The following MAGI2 variants were observed in gnomAD, a reference collection of about 807,000 sequenced individuals.
MAGI2 encodes the protein membrane associated guanylate kinase, WW and PDZ domain containing 2, also known as membrane-associated guanylate kinase, WW and PDZ domain-containing protein 2.
MAGI2 carries 35 observed loss-of-function variants against 133.3 expected under a neutral mutation model. The observed-to-expected ratio is 0.26, with a 90% CI of 0.20 to 0.35. The LOEUF (loss-of-function observed/expected upper bound fraction) is 0.35, where lower values mean the gene tolerates loss of function less well. Among genes scored for constraint, MAGI2 ranks in the 10% least tolerant of loss-of-function variants. The probability of loss-of-function intolerance (pLI) is 1.00; values close to 1 mark genes in which losing one functional copy is unlikely to be tolerated. For missense variants in MAGI2, 1,636 were observed against 1,863.4 expected (o/e 0.88, Z 2.25); for synonymous variants, 729 against 710.6 (o/e 1.03, Z -0.41).
At chr7:78,616,487 T>G (rs1029672572) in intron 3 of MAGI2, 1 of 152,126 alleles carries the variant, frequency 6.6e-6, no homozygotes, top group African/African-American at 2.4e-5. Flanking sequence ...GTTGACCAAA[T>G]GTACTGTTTT....
chr7:78,028,726 G>A (rs921316570), intron 21 of MAGI2, among the ~76,000 whole-genome samples: 3 of 151,800 alleles, frequency 2.0e-5, no homozygotes, highest in Non-Finnish European at 4.4e-5. Context: ...ATGGTGGCAC[G>A]TGCCTGTAAT....
chr7:79,449,387 T>C (rs1274338862), intron 1 of MAGI2, among the ~76,000 whole-genome samples: 1 of 151,124 alleles, frequency 6.6e-6, no homozygotes, highest in Non-Finnish European at 1.5e-5. Context: ...TTTCCCATTG[T>C]GAGACCCTAA....
chr7:79,364,909 A>T (rs868578062), intron 1 of MAGI2, among the ~76,000 whole-genome samples: 19 of 125,290 alleles, frequency 1.5e-4, no homozygotes, highest in Admixed American at 9.1e-4. Context: ...CATCAAAATT[A>T]AAAAAAAAAT....
At chr7:79,168,648 G>A (rs926017323) in intron 1 of MAGI2, among the ~76,000 whole-genome samples, 4 of 151,582 alleles carry the variant, frequency 2.6e-5, no homozygotes, top group African/African-American at 9.7e-5. Flanking sequence ...AGTTGCCTTT[G>A]GAATGGCCCA....
intron 6 of MAGI2, among the ~76,000 whole-genome samples, chr7:78,479,350 A>G (rs531898199): frequency 6.6e-6 from 1 of 152,042 alleles, no homozygotes; most frequent in South Asian, 2.1e-4. Flanking sequence ...TGGGTGACCC[A>G]TCCTCTTCCC....
chr7:78,655,453 C>CCAAAAAAAAAAAAAAAAAAAAA (rs1812091384), intron 2 of MAGI2, among the ~76,000 whole-genome samples: 1 of 48,368 alleles, frequency 2.1e-5, no homozygotes, highest in Non-Finnish European at 4.4e-5. Context: ...AAAAAAACAA[C>CCAAAAAAAAAAAAAAAAAAAAA]CAAAAAAAAA....
chr7:79,028,243 A>ATATC (rs1810127468), intron 1 of MAGI2, among the ~76,000 whole-genome samples: 3 of 48,586 alleles, frequency 6.2e-5, no homozygotes, highest in African/African-American at 2.3e-4. Flanking sequence ...ATGTATATAT[A>ATATC]TATATATATA....
chr7:78,490,165 A>G (rs888775933), intron 5 of MAGI2: 4 of 358,378 alleles, frequency 1.1e-5, no homozygotes, highest in Non-Finnish European at 2.0e-5. Context: ...TTGGAAGAGC[A>G]CAGTCCACAG....
intron 2 of MAGI2, among the ~76,000 whole-genome samples, chr7:78,788,385 C>T (rs1827004328): frequency 1.3e-5 from 2 of 152,124 alleles, no homozygotes; most frequent in Admixed American, 1.3e-4. Context: ...TCATCTTTCC[C>T]ATAGCTTTCA....
intron 2 of MAGI2, among the ~76,000 whole-genome samples, chr7:78,725,609 T>C (rs141304724): frequency 0.011 from 1,703 of 152,302 alleles, 33 homozygotes; most frequent in African/African-American, 0.039. Flanking sequence ...CCATCCTGGC[T>C]AACACGGTGA....
intron 2 of MAGI2, among the ~76,000 whole-genome samples, chr7:78,753,130 T>C (rs1823610448): frequency 1.3e-5 from 2 of 151,972 alleles, no homozygotes; most frequent in Admixed American, 6.6e-5. Flanking sequence ...TACTCAAGAA[T>C]AAAAGAAATC....
At chr7:78,232,371 G>T (rs1790068714) in intron 10 of MAGI2, among the ~76,000 whole-genome samples, 1 of 152,006 alleles carries the variant, frequency 6.6e-6, no homozygotes, top group Admixed American at 6.6e-5. Context: ...TAAATAACAT[G>T]GTTTTATAAC....
chr7:78,703,632 G>A (rs1157846201), intron 2 of MAGI2, among the ~76,000 whole-genome samples: 3 of 151,976 alleles, frequency 2.0e-5, no homozygotes. Flanking sequence ...CAAGCCAATT[G>A]CTTCAAATAT....
intron 6 of MAGI2, among the ~76,000 whole-genome samples, chr7:78,453,490 C>T (rs1788949385): frequency 1.3e-5 from 2 of 152,174 alleles, no homozygotes; most frequent in South Asian, 2.1e-4. Flanking sequence ...AGTTCTTCCT[C>T]CTAGTCTTTT....
chr7:78,848,685 C>T (rs780468007), intron 2 of MAGI2, among the ~76,000 whole-genome samples: 60 of 152,098 alleles, frequency 3.9e-4, no homozygotes, highest in Middle Eastern at 3.4e-3. Context: ...CAAGCTTAGT[C>T]CCTCTTTAAG....
chr7:78,670,443 C>G (rs891698617), intron 2 of MAGI2, among the ~76,000 whole-genome samples: 1 of 152,276 alleles, frequency 6.6e-6, no homozygotes, highest in South Asian at 2.1e-4. Context: ...AATGGAAGAA[C>G]GTTCAATGCT....
At chr7:78,130,518 C>T (rs1821458914) in intron 18 of MAGI2, among the ~76,000 whole-genome samples, 1 of 152,218 alleles carries the variant, frequency 6.6e-6, no homozygotes, top group Non-Finnish European at 1.5e-5. Flanking sequence ...AGTTTTCCCT[C>T]TGATACCATG....
chr7:78,401,018 A>G (rs555147281), intron 6 of MAGI2, among the ~76,000 whole-genome samples: 1 of 152,132 alleles, frequency 6.6e-6, no homozygotes, highest in South Asian at 2.1e-4. Flanking sequence ...TTACATGACA[A>G]TTCACATGTC....
At chr7:79,320,139 T>A (rs1277480903) in intron 1 of MAGI2, among the ~76,000 whole-genome samples, 1 of 152,166 alleles carries the variant, frequency 6.6e-6, no homozygotes, top group Non-Finnish European at 1.5e-5. Context: ...ATTTAATAAA[T>A]CTGTATTTCT....
Sources: gnomAD v4.1 joint callset for allele counts (sites outside exome capture counted in the v4.1 genomes callset) on GRCh38, gnomAD v4.1.1 for gene constraint, MANE v1.5 for transcripts, NCBI Gene and HGNC (gene_info 2026-07-23, HGNC 2026-07-21) for gene names.